Variants in ARFGEF3 observed in about 807,000 individuals in gnomAD.
The protein encoded by ARFGEF3 is ARFGEF family member 3, also known as brefeldin A-inhibited guanine nucleotide-exchange protein 3.
ARFGEF3 carries 96 observed loss-of-function variants against 221.7 expected under a neutral mutation model. The ratio of observed to expected loss-of-function variants is 0.43; its 90% CI spans 0.37 to 0.51. ARFGEF3 has a LOEUF of 0.51. Ranked by LOEUF, ARFGEF3 falls within the 20% of genes least tolerant of loss-of-function variation. ARFGEF3 has a pLI of 0.00. For synonymous variants in ARFGEF3, 1,145 were observed against 1,126.8 expected (o/e 1.02, Z -0.32); for missense variants, 2,410 against 2,789.9 (o/e 0.86, Z 3.07).
chr6:138,260,614 GA>G (rs1234828587), intron 10 of ARFGEF3, among the ~76,000 whole-genome samples: 2 of 151,328 alleles, frequency 1.3e-5, no homozygotes, highest in African/African-American at 2.4e-5. Flanking sequence ...AGCTTAGTTA[GA>G]AAAAAAGAAT....
At chr6:138,283,053 TAAAAA>T (rs776352306) in intron 14 of ARFGEF3, among the ~76,000 whole-genome samples, 1 of 145,894 alleles carries the variant, frequency 6.9e-6, no homozygotes, top group South Asian at 2.2e-4. Flanking sequence ...TCTGTCTTTT[TAAAAA>T]AAAAAAAGAA....
chr6:138,164,705 T>C (rs900663707), intron 1 of ARFGEF3, among the ~76,000 whole-genome samples: 1 of 152,252 alleles, frequency 6.6e-6, no homozygotes, highest in African/African-American at 2.4e-5. Context: ...AGCTGTGATT[T>C]AGGAATTAGA....
At chr6:138,266,226 G>T (rs538858519) in intron 12 of ARFGEF3, among the ~76,000 whole-genome samples, 60 of 151,444 alleles carry the variant, frequency 4.0e-4, no homozygotes, top group African/African-American at 1.3e-3. Context: ...AAGAGAAAGA[G>T]AGAAAGAGAA....
At chr6:138,295,336 T>G (rs1274641204) in intron 20 of ARFGEF3, among the ~76,000 whole-genome samples, 4 of 152,036 alleles carry the variant, frequency 2.6e-5, no homozygotes, top group Non-Finnish European at 5.9e-5. Flanking sequence ...AAAGAAAATA[T>G]AGGCCAGGTG....
Position 138,311,484 on chromosome 6 carries a change from C to G in ARFGEF3, c.4174C>G (p.Leu1392Val). 6.2e-7 allele frequency: 1 copy of G among 1,601,858 alleles called. No individual in the cohort carries two copies. Among genetic ancestry groups the G allele is most frequent in the South Asian group, 1.1e-5 (1 of 88,130 alleles). The change falls in exon 25 of 34, where the codon CTG becomes GTG. Residue 1392 changes from leucine (L) to valine (V), a missense_variant. Leu to Val is a conservative substitution (Grantham distance 32, BLOSUM62 1). This residue lies in a region of ARFGEF3 where 723 missense variants were observed against 991.9 expected (regional missense o/e 0.73). Coordinates refer to ENST00000251691, the MANE Select transcript of ARFGEF3 (RefSeq NM_020340.5). Reference sequence around the variant, plus strand: ...GTCCACAGACCTGTGCCTCCCGGCCCTGGATTACCTCAGGCGCTGCTCTCA... The same window carrying G: ...GTCCACAGACCTGTGCCTCCCGGCCGTGGATTACCTCAGGCGCTGCTCTCA... ...APSTDLCLPALDYLRRCSQLL... is the reference protein window; with the variant it reads ...APSTDLCLPAVDYLRRCSQLL...
At chr6:138,307,585 T>G (rs1432855076) in intron 23 of ARFGEF3, among the ~76,000 whole-genome samples, 188 bp downstream of exon 23, 1 of 152,216 alleles carries the variant, frequency 6.6e-6, no homozygotes, top group African/African-American at 2.4e-5. Context: ...CCCTGAGCAT[T>G]GTCAGGCCCT....
At chr6:138,310,203 C>A in intron 24 of ARFGEF3, among the ~76,000 whole-genome samples, 1 of 152,142 alleles carries the variant, frequency 6.6e-6, no homozygotes, top group East Asian at 1.9e-4. Flanking sequence ...AAATACACAG[C>A]GGCCACAGTC....
At chr6:138,290,123 G>A (rs115766617) in intron 18 of ARFGEF3, among the ~76,000 whole-genome samples, 155 bp downstream of exon 18, 78 of 152,336 alleles carry the variant, frequency 5.1e-4, no homozygotes, top group African/African-American at 1.8e-3. Flanking sequence ...CAAATGAGAC[G>A]TGAAAAGAGA....
chr6:138,182,495 TA>T (rs1777096155), intron 2 of ARFGEF3, among the ~76,000 whole-genome samples: 1 of 152,208 alleles, frequency 6.6e-6, no homozygotes, highest in Admixed American at 6.5e-5. Flanking sequence ...CCAGTGCTTT[TA>T]AAAGACAGTT....
chr6:138,206,240 T>C (rs1289949973), intron 2 of ARFGEF3, among the ~76,000 whole-genome samples: 2 of 152,228 alleles, frequency 1.3e-5, no homozygotes, highest in African/African-American at 2.4e-5. Context: ...TTAGAGTAGA[T>C]GCTTCTAACA....
chr6:138,182,555 A>C (rs1372051898), intron 2 of ARFGEF3, among the ~76,000 whole-genome samples: 1 of 152,216 alleles, frequency 6.6e-6, no homozygotes, highest in African/African-American at 2.4e-5. Flanking sequence ...AGAGCTATTA[A>C]GATTAGCACG....
intron 1 of ARFGEF3, among the ~76,000 whole-genome samples, chr6:138,167,776 C>A (rs1008430207): frequency 6.6e-6 from 1 of 152,172 alleles, no homozygotes; most frequent in Non-Finnish European, 1.5e-5. Flanking sequence ...AGTTCTTTTT[C>A]CCAAGTAGTG....
Position 138,335,171 on chromosome 6 carries a change from G to A in ARFGEF3, c.6325G>A (p.Ala2109Thr), listed in dbSNP as rs756877876. The change falls in exon 33 of 34, where the codon GCA becomes ACA. Residue 2109 changes from alanine (A) to threonine (T), a missense_variant. Ala to Thr is a moderately conservative substitution (Grantham distance 58). Transcript: ENST00000251691. ...CTCCCTCAGTGTCTCGGTGAGAGAC[G>A]CAGAAGCACAGATCCAGGTACATCC... ...GSSLSVSVRDAEAQIQAWTNM... is the reference protein window; with the variant it reads ...GSSLSVSVRDTEAQIQAWTNM... The A allele has an allele frequency of 7.1e-6, 11 of 1,551,788 alleles. No individual in the cohort carries two copies. In the East Asian group the frequency reaches 2.0e-4, roughly 29 times the overall value.
chr6:138,295,523 G>A (rs147713013), intron 20 of ARFGEF3, among the ~76,000 whole-genome samples: 4,306 of 151,470 alleles, frequency 0.028, 70 homozygotes, highest in Non-Finnish European at 0.043. Context: ...CCAGCTACTC[G>A]GGAGGCTGAG....
intron 4 of ARFGEF3, among the ~76,000 whole-genome samples, chr6:138,222,274 C>T (rs991645299): frequency 6.6e-6 from 1 of 152,132 alleles, no homozygotes; most frequent in Non-Finnish European, 1.5e-5. Flanking sequence ...AATTGCAAAA[C>T]AAACTTATAA....
intron 14 of ARFGEF3, among the ~76,000 whole-genome samples, chr6:138,282,184 A>G (rs891477946): frequency 6.6e-6 from 1 of 152,024 alleles, no homozygotes; most frequent in Non-Finnish European, 1.5e-5. Context: ...TGAACTCCTG[A>G]CCTCAGGTGA....
At chr6:138,266,492 G>C (rs921236681) in intron 12 of ARFGEF3, among the ~76,000 whole-genome samples, 1 of 152,064 alleles carries the variant, frequency 6.6e-6, no homozygotes, top group African/African-American at 2.4e-5. Context: ...TCCTGCCTTT[G>C]TCTCCCAAAG....
At chr6:138,288,791 C>T (rs886412541) in intron 17 of ARFGEF3, among the ~76,000 whole-genome samples, 1 of 151,700 alleles carries the variant, frequency 6.6e-6, no homozygotes, top group Non-Finnish European at 1.5e-5. Flanking sequence ...TTGAGGTTGG[C>T]TTGCTATATT....
At chr6:138,164,618 C>CA (rs1314104983) in intron 1 of ARFGEF3, among the ~76,000 whole-genome samples, 3 of 152,050 alleles carry the variant, frequency 2.0e-5, no homozygotes, top group Admixed American at 6.5e-5. Flanking sequence ...GTGCAAGAGA[C>CA]AAAAAAGCTA....
Sources: allele counts gnomAD v4.1 joint callset (sites outside exome capture counted in the v4.1 genomes callset), GRCh38; gene constraint gnomAD v4.1.1; regional missense constraint gnomAD v4.1.1; transcripts MANE v1.5; gene names NCBI Gene and HGNC (gene_info 2026-07-23, HGNC 2026-07-21).